The following KALRN variants were observed in gnomAD, a reference collection of about 807,000 sequenced individuals.
KALRN encodes the protein kalirin RhoGEF kinase, also known as kalirin.
In KALRN, 70 loss-of-function variants were observed where a neutral mutation model predicts 353.7. That is an observed-to-expected ratio of 0.20 (90% CI 0.16 to 0.24). The LOEUF is 0.24. Ranked by LOEUF, KALRN falls within the 10% of genes least tolerant of loss-of-function variation. The probability of loss-of-function intolerance (pLI) is 1.00; values close to 1 mark genes in which losing one functional copy is unlikely to be tolerated. For missense variants in KALRN, 2,791 were observed against 3,756.7 expected, an observed-to-expected ratio of 0.74 and a Z score of 6.72; for synonymous variants, 1,391 against 1,434.8, an observed-to-expected ratio of 0.97 and a Z score of 0.69.
intron 14 of KALRN, among the ~76,000 whole-genome samples, chr3:124,419,064 T>C (rs758807754): frequency 1.3e-5 from 2 of 151,160 alleles, no homozygotes; most frequent in African/African-American, 2.4e-5. Context: ...ACAGCGAAAC[T>C]CAGTCTAAAA....
chr3:124,206,061 G>A (rs965210179), intron 1 of KALRN, among the ~76,000 whole-genome samples: 30 of 152,174 alleles, frequency 2.0e-4, no homozygotes, highest in African/African-American at 6.8e-4. Flanking sequence ...TCCACAGTTT[G>A]CCACCCTGAT....
chr3:124,719,438 T>C lies in KALRN; in HGVS notation c.8929T>C (p.Tyr2977His). 1.9e-6 allele frequency: 3 copies of C among 1,613,844 alleles called. No individual in the cohort carries two copies. Among genetic ancestry groups the C allele is most frequent in the South Asian group, 2.2e-5 (2 of 91,088 alleles). Reference protein sequence around the residue: ...DVRPIPNVKSYIVNRVNQGT With the variant: ...DVRPIPNVKSHIVNRVNQGT Reference sequence around the variant, plus strand: ...GCGGCCTATTCCCAATGTCAAGAGCTACATTGTCAACCGGGTGAACCAAGG... The same window carrying C: ...GCGGCCTATTCCCAATGTCAAGAGCCACATTGTCAACCGGGTGAACCAAGG... Residue 2977 changes from tyrosine to histidine, a missense_variant, in exon 60 of 60, where the codon TAC (tyrosine) becomes CAC (histidine). By Grantham distance (83) the Tyr-to-His change is moderately conservative. Around this residue, in one of 11 missense-constraint regions of KALRN, gnomAD observed 32 missense variants for 27.4 expected, o/e 1.17. Coordinates refer to ENST00000682506, the MANE Select transcript of KALRN (RefSeq NM_001388419.1). This position sits in a 1 kb window ranked among gnomAD's most constrained non-coding sequence, Gnocchi z 5.3.
At position 124,298,869 on chromosome 3, in the gene KALRN, C is replaced by G; in HGVS notation, c.1048C>G (p.Leu350Val). 2.5e-6 allele frequency: 4 copies of G among 1,614,188 alleles called. No individual in the cohort carries two copies. Among genetic ancestry groups the G allele is most frequent in the Non-Finnish European group, 3.4e-6 (4 of 1,180,020 alleles). The change falls in exon 6 of 60, where the codon CTT (leucine) becomes GTT (valine). Residue 350 changes from leucine to valine, a missense_variant. Transcript: ENST00000682506. ...GATCGGAGTCAGCTACCAGTACGCC[C>G]TTGACCTCCAGACGCAGCACAATCA... Reference protein sequence around the residue: ...TEIGVSYQYALDLQTQHNHFA... With the variant: ...TEIGVSYQYAVDLQTQHNHFA...
intron 19 of KALRN, among the ~76,000 whole-genome samples, chr3:124,443,177 A>G (rs181053452): frequency 1.3e-5 from 2 of 152,370 alleles, no homozygotes; most frequent in South Asian, 2.1e-4. Flanking sequence ...AAAATTGCCT[A>G]TTATCTGACC....
At position 124,268,167 on chromosome 3, in the gene KALRN, T is replaced by G. The variant is rs117452371; in HGVS notation, c.457-576T>G. 1.2e-4 allele frequency among the ~76,000 whole-genome samples: 18 copies of G among 152,318 alleles called. No individual in the cohort carries two copies. In the East Asian group the frequency reaches 2.3e-3, roughly 20 times the overall value. The stretch of plus-strand genomic sequence containing the variant: ...CTCCAGTCCGCTCTCCAGGAGCTTG[T>G]AGGGGCCTCACAGAGAAAACCAAGG... On this transcript the variant is annotated intron_variant, in intron 4 of 59. Transcript: ENST00000682506.
chr3:124,117,451 A>G (rs952207874), intron 1 of KALRN, among the ~76,000 whole-genome samples: 5 of 152,182 alleles, frequency 3.3e-5, no homozygotes, highest in African/African-American at 1.2e-4. Context: ...AGGATGCTAC[A>G]AAAGTGCCTC....
chr3:124,305,566 G>A (rs191330575), intron 6 of KALRN, among the ~76,000 whole-genome samples: 1 of 152,182 alleles, frequency 6.6e-6, no homozygotes, highest in African/African-American at 2.4e-5. Context: ...GGTACCAGCT[G>A]GGTGTGGTCA....
chr3:124,080,119 T>G (rs2060465582), intron 1 of KALRN: 1 of 469,778 alleles, frequency 2.1e-6, no homozygotes. Context: ...ACTTGCAGGC[T>G]GTCTGAACAC....
chr3:124,107,284 A>T (rs1173879564), intron 1 of KALRN, among the ~76,000 whole-genome samples: 1 of 152,210 alleles, frequency 6.6e-6, no homozygotes, highest in Non-Finnish European at 1.5e-5. Flanking sequence ...CAGTGTTTTC[A>T]TTTTAATGAT....
rs537591359 is a variant in KALRN, at chr3:124,683,601, A to G, written c.7377+4084A>G. On this transcript the variant is annotated intron_variant, in intron 51 of 59. Transcript: ENST00000682506. ...TAACTAAAACAAAACAAAACCCAAT[A>G]CCTCTTGTAGCAGAGAAAGTCAGTT... is the stretch of plus-strand genomic sequence containing the variant. Among the ~76,000 whole-genome samples the G allele has an allele frequency of 8.5e-5, 13 of 152,160 alleles. No individual in the cohort carries two copies. In the East Asian group the frequency reaches 2.5e-3, roughly 29 times the overall value.
intron 34 of KALRN, among the ~76,000 whole-genome samples, chr3:124,587,252 C>G (rs1223854053): frequency 6.6e-6 from 1 of 152,044 alleles, no homozygotes; most frequent in African/African-American, 2.4e-5. Context: ...GTTGTTTGGT[C>G]TCTATCCCTT....
intron 48 of KALRN, among the ~76,000 whole-genome samples, chr3:124,672,585 T>C (rs945675603): frequency 2.0e-5 from 3 of 152,200 alleles, no homozygotes; most frequent in African/African-American, 7.2e-5. Flanking sequence ...AGTGTGTGAA[T>C]GGGAGAAGTC....
chr3:124,493,189 C>A (rs2063354163), intron 32 of KALRN, among the ~76,000 whole-genome samples: 1 of 152,166 alleles, frequency 6.6e-6, no homozygotes, highest in South Asian at 2.1e-4. Flanking sequence ...ATGAAATAGA[C>A]CAGAAGAACC....
intron 34 of KALRN, among the ~76,000 whole-genome samples, chr3:124,595,068 G>A (rs1457033598): frequency 4.0e-5 from 6 of 150,660 alleles, no homozygotes; most frequent in Non-Finnish European, 2.9e-5. Context: ...TTTTTTCTGA[G>A]AAAAATCATA....
chr3:124,358,276 C>A (rs963945668), intron 10 of KALRN, among the ~76,000 whole-genome samples: 1 of 152,192 alleles, frequency 6.6e-6, no homozygotes, highest in Non-Finnish European at 1.5e-5. Flanking sequence ...TTTCCCAGCC[C>A]CACTAATTTT....
In KALRN at chr3:124,195,976, T is replaced by C. The variant is rs571706444; in HGVS notation, c.74-32014T>C. On this transcript the variant is annotated intron_variant, in intron 1 of 59. Coordinates refer to ENST00000682506, the MANE Select transcript of KALRN (RefSeq NM_001388419.1). ...CAGGGATCTTTCATCACCGACTTTG[T>C]CCTCAGGGCTTGGAACTCTTTCCCC... Among the ~76,000 whole-genome samples, 11 of 152,286 alleles carry C rather than the reference T, an allele frequency of 7.2e-5. No homozygotes were observed. In the East Asian group the frequency reaches 1.4e-3, roughly 19 times the overall value.
At chr3:124,693,159 G>A (rs1172079496) in intron 51 of KALRN, among the ~76,000 whole-genome samples, 1 of 152,208 alleles carries the variant, frequency 6.6e-6, no homozygotes, top group Non-Finnish European at 1.5e-5. Context: ...GGTTGGGTCA[G>A]TGGCTTCAAG....
intron 1 of KALRN, among the ~76,000 whole-genome samples, chr3:124,153,656 T>C (rs1275292400): frequency 2.6e-5 from 4 of 151,512 alleles, no homozygotes; most frequent in Non-Finnish European, 2.9e-5. Flanking sequence ...CTGGGTCAAA[T>C]GGTATTTCTA....
In KALRN at chr3:124,339,734, A is replaced by G. The variant is rs571315960; in HGVS notation, c.1647+5239A>G. 1.4e-4 allele frequency among the ~76,000 whole-genome samples: 22 copies of G among 152,320 alleles called. No homozygotes were observed. The South Asian group carries it at 3.9e-3, about 27-fold the overall frequency. Reference sequence around the variant, plus strand: ...GGCATATAGATGATCCTTAATTTACATCAGAATAATGGCTTTCTAAATGTA... The same window carrying G: ...GGCATATAGATGATCCTTAATTTACGTCAGAATAATGGCTTTCTAAATGTA... On this transcript the variant is annotated intron_variant, in intron 9 of 59. Coordinates refer to ENST00000682506, the MANE Select transcript of KALRN (RefSeq NM_001388419.1).
Sources: allele counts gnomAD v4.1 joint callset (sites outside exome capture counted in the v4.1 genomes callset), GRCh38; gene constraint gnomAD v4.1.1; regional missense constraint gnomAD v4.1.1; non-coding constraint Gnocchi (gnomAD v3.1); transcripts MANE v1.5; gene names NCBI Gene and HGNC (gene_info 2026-07-23, HGNC 2026-07-21).